Variants in SMTN observed in about 807,000 individuals in gnomAD.
SMTN encodes the protein smoothelin.
Under a neutral mutation model 102.0 loss-of-function variants are expected in SMTN, and 58 were observed. The observed-to-expected ratio is 0.57, with a 90% CI of 0.46 to 0.71. The LOEUF is 0.71. Among genes scored for constraint, SMTN ranks in the 30% least tolerant of loss-of-function variants. The probability of loss-of-function intolerance (pLI) is 0.00; values close to 1 mark genes in which losing one functional copy is unlikely to be tolerated. For missense variants in SMTN, 1,185 were observed against 1,241.7 expected, an observed-to-expected ratio of 0.95 and a Z score of 0.69; for synonymous variants, 478 against 497.9, an observed-to-expected ratio of 0.96 and a Z score of 0.53.
At chr22:31,089,609 G>A in intron 6 of SMTN, 90 bp from the exon 7 acceptor site, 2 of 1,264,462 alleles carry the variant, frequency 1.6e-6, no homozygotes, top group Admixed American at 3.6e-5. Context: ...TGCATGCCCT[G>A]CCCTGGGCAC....
In SMTN at chr22:31,073,358, A is replaced by G. The variant is rs573867469; in HGVS notation, c.-385-7092A>G. On this transcript the variant is annotated intron_variant, in intron 1 of 3. Coordinates refer to the SMTN transcript ENST00000422839. Reference sequence around the variant, plus strand: ...TAACCTGTTTCCTTTTCCTGGACACACAGGAAGGTCATGTTCTCATTTTTC... The same window carrying G: ...TAACCTGTTTCCTTTTCCTGGACACGCAGGAAGGTCATGTTCTCATTTTTC... Among the ~76,000 whole-genome samples the G allele has an allele frequency of 3.9e-5, 6 of 152,208 alleles. 1 individual carries two copies. The highest frequency in any genetic ancestry group is 1.4e-4 in the African/African-American group (6 of 41,528).
Position 31,088,895 on chromosome 22 carries a change from T to G in SMTN, c.397T>G (p.Tyr133Asp), listed in dbSNP as rs769125972. The G allele has an allele frequency of 6.8e-6, 11 of 1,613,942 alleles. No individual in the cohort carries two copies. The East Asian group carries it at 2.5e-4, about 36-fold the overall frequency. ...IEAATLAGRLYSGRPNSGSRE... is the reference protein window; with the variant it reads ...IEAATLAGRLDSGRPNSGSRE... The stretch of plus-strand genomic sequence containing the variant: ...AGCTGCCACCTTGGCTGGGAGGTTG[T>G]ACAGCGGGCGTCCCAACAGTGGCTC... Residue 133 changes from tyrosine to aspartate, a missense_variant, in exon 6 of 21, where the codon TAC (tyrosine) becomes GAC (aspartate). By Grantham distance (160) the Tyr-to-Asp change is radical (BLOSUM62 -3). This residue lies in a region of SMTN where 1,096 missense variants were observed against 1,112.7 expected (regional missense o/e 0.98). Transcript: ENST00000333137.
At chr22:31,064,685 A>T (rs1187861638) in intron 1 of SMTN, 1 of 152,112 alleles carries the variant, frequency 6.6e-6, no homozygotes, top group Non-Finnish European at 1.5e-5. Flanking sequence ...GATATAATTC[A>T]TATATAAATT....
Position 31,100,865 on chromosome 22 carries a change from C to T in SMTN, c.2604-20C>T, listed in dbSNP as rs976518707. On this transcript the variant is annotated intron_variant, in intron 19 of 20. Coordinates refer to ENST00000333137, the MANE Select transcript of SMTN (RefSeq NM_134269.3). ...CCTGCCCCCGTCCCCCACCCCTTCC[C>T]GGCCCCCTACCCTCCCCAGGACCCA... The T allele has an allele frequency of 1.1e-5, 16 of 1,479,906 alleles. No homozygotes were observed. Among genetic ancestry groups the T allele is most frequent in the East Asian group, 2.5e-5 (1 of 40,780 alleles). 91.7% of individuals were successfully genotyped at this position (1,479,906 alleles called of 1,614,324 possible).
upstream of SMTN, among the ~76,000 whole-genome samples, chr22:31,079,996 T>A (rs2042231487): frequency 6.6e-6 from 1 of 152,168 alleles, no homozygotes; most frequent in East Asian, 1.9e-4. Context: ...CTCCTGACCT[T>A]GGGTGATCCA....
Position 31,090,105 on chromosome 22 carries a change from C to T in SMTN, c.793-3C>T, listed in dbSNP as rs766754816. The stretch of plus-strand genomic sequence containing the variant: ...GCTCAGGCCCTGTTCTTCTCCCTTG[C>T]AGCTTCTGTCTGGCCCCAAAGAGAC... On this transcript the variant is annotated splice_region_variant and splice_polypyrimidine_tract_variant and intron_variant, in intron 7 of 20. Transcript: ENST00000333137. 13 of 1,611,598 alleles carry T rather than the reference C, an allele frequency of 8.1e-6. No individual in the cohort carries two copies. Among genetic ancestry groups the T allele is most frequent in the South Asian group, 5.5e-5 (5 of 90,774 alleles).
chr22:31,089,322 G>A (rs1361519591), intron 6 of SMTN, among the ~76,000 whole-genome samples: 1 of 152,134 alleles, frequency 6.6e-6, no homozygotes, highest in Non-Finnish European at 1.5e-5. Context: ...GAGGCCGCTG[G>A]GTCCACGGTC....
At chr22:31,094,568 T>A (rs1454439902) in intron 11 of SMTN, among the ~76,000 whole-genome samples, 1 of 151,724 alleles carries the variant, frequency 6.6e-6, no homozygotes, top group African/African-American at 2.4e-5. Flanking sequence ...GGTTCAGGAG[T>A]TAGGCTGCCT....
chr22:31,099,206 G>A (rs2043878907), intron 18 of SMTN, 27 bp downstream of exon 18: 3 of 1,513,258 alleles, frequency 2.0e-6, no homozygotes, highest in Non-Finnish European at 2.7e-6. Context: ...CAGGGGGCCT[G>A]GAGGCCTCCC....
At position 31,096,619 on chromosome 22, in the gene SMTN, A is replaced by C. The variant is rs1020035269; in HGVS notation, c.1862-114A>C. On this transcript the variant is annotated intron_variant, in intron 13 of 20. Transcript: ENST00000333137. ...GAGGCCCTTGTTACCTGTGTCATTC[A>C]TGTTTCTAACAAGCCACCCTCCACC... The C allele has an allele frequency of 3.5e-6, 4 of 1,151,718 alleles. No homozygotes were observed. In the African/African-American group the frequency reaches 6.2e-5, roughly 18 times the overall value. The allele number at this position is 1,151,718 out of a possible 1,614,324, so 71.3% of individuals were successfully genotyped here.
At chr22:31,101,202 C>T in intron 20 of SMTN, 153 bp downstream of exon 20, 1 of 707,136 alleles carries the variant, frequency 1.4e-6, no homozygotes, top group Admixed American at 2.8e-5. Context: ...CAGTTCAGGG[C>T]CCAGCAGGTG....
intron 19 of SMTN, 83 bp downstream of exon 19, chr22:31,099,979 C>T: frequency 7.1e-7 from 1 of 1,416,876 alleles, no homozygotes; most frequent in Non-Finnish European, 9.7e-7. Context: ...CCTGAGAACC[C>T]CTGGAGCGGG....
intron 11 of SMTN, among the ~76,000 whole-genome samples, chr22:31,094,297 T>C (rs2043387879): frequency 6.6e-6 from 1 of 152,132 alleles, no homozygotes; most frequent in South Asian, 2.1e-4. Context: ...CCTTAGAGGA[T>C]GGTTTCCAGC....
chr22:31,091,586 T>G, intron 10 of SMTN, 89 bp from the exon 11 acceptor site: 1 of 1,514,156 alleles, frequency 6.6e-7, no homozygotes. Context: ...CTCCAAAGGG[T>G]GTGCTGGGAG....
intron 11 of SMTN, chr22:31,093,878 T>C (rs2043353287): frequency 6.4e-7 from 1 of 1,553,682 alleles, no homozygotes; most frequent in Non-Finnish European, 8.7e-7. Context: ...ACTAGTCTCG[T>C]AAGTGCTTCT....
chr22:31,097,173 G>T (rs2147776141), intron 15 of SMTN, 96 bp from the exon 16 acceptor site: 12 of 1,492,540 alleles, frequency 8.0e-6, no homozygotes, highest in Non-Finnish European at 1.1e-5. Flanking sequence ...TCTCTTCTCT[G>T]CCTGCGGCTA....
chr22:31,088,358 T>C, intron 3 of SMTN, 155 bp from the exon 4 acceptor site: 1 of 776,886 alleles, frequency 1.3e-6, no homozygotes, highest in South Asian at 1.7e-5. Context: ...CCCACGTCCA[T>C]GGGCATATGT....
rs185570233 is a variant in SMTN at position 31,099,052 on chromosome 22, G to C, written c.2334-10G>C. On this transcript the variant is annotated splice_polypyrimidine_tract_variant and intron_variant, in intron 17 of 20. Transcript: ENST00000333137. The stretch of plus-strand genomic sequence containing the variant: ...AGTCGTGTGACCTGGTCCTGACACC[G>C]CCCCTACAGCAGCCCTGGCGGACCC... 4 of 1,608,898 alleles carry C rather than the reference G, an allele frequency of 2.5e-6. No individual in the cohort carries two copies. In the African/African-American group the frequency reaches 5.3e-5, roughly 21 times the overall value.
chr22:31,072,525 G>C (rs1032133607), intron 1 of SMTN, among the ~76,000 whole-genome samples: 2 of 151,570 alleles, frequency 1.3e-5, no homozygotes, highest in East Asian at 3.9e-4. Context: ...GGCAATGCAC[G>C]ATCTCAGTTC....
Sources: allele counts gnomAD v4.1 joint callset (sites outside exome capture counted in the v4.1 genomes callset), GRCh38; gene constraint gnomAD v4.1.1; regional missense constraint gnomAD v4.1.1; transcripts MANE v1.5; gene names NCBI Gene and HGNC (gene_info 2026-07-23, HGNC 2026-07-21).